PRMT8: variants seen among roughly 807,000 people sequenced by gnomAD.
PRMT8 encodes protein arginine N-methyltransferase 8.
A neutral mutation model predicts 47.1 loss-of-function variants in PRMT8; 7 were observed. That is an observed-to-expected ratio of 0.15 (90% confidence interval 0.08 to 0.28). PRMT8 has a LOEUF of 0.28. Ranked by LOEUF, PRMT8 falls within the 10% of genes least tolerant of loss-of-function variation. PRMT8 has a pLI of 1.00. For missense variants in PRMT8, 237 were observed against 505.4 expected (o/e 0.47, Z 5.09); for synonymous variants, 188 against 186.5 (o/e 1.01, Z -0.07).
rs546351525 is a variant in PRMT8, at chr12:3,566,675, C to T, written c.482-2031C>T. On this transcript the variant is annotated intron_variant, in intron 4 of 9. Transcript: ENST00000382622. This position sits in a 1 kb window ranked among gnomAD's most constrained non-coding sequence, Gnocchi z 4.7. ...AGCAAACGGTGTGCTCTTTGCCATC[C>T]AGGAGCCTCAGTCCAAATTAATTTT... Among the ~76,000 whole-genome samples, 4 of 152,198 alleles carry T rather than the reference C, an allele frequency of 2.6e-5. No individual in the cohort carries two copies. Among genetic ancestry groups the T allele is most frequent in the Non-Finnish European group, 4.4e-5 (3 of 68,040 alleles).
chr12:3,445,240 T>A (rs1864845513), intron 1 of PRMT8, among the ~76,000 whole-genome samples: 1 of 152,196 alleles, frequency 6.6e-6, no homozygotes, highest in Admixed American at 6.5e-5. Flanking sequence ...ATGCTAACCC[T>A]CCTGGTGCCC....
In PRMT8 at chr12:3,564,273, C is replaced by T. The variant is rs1197774940; in HGVS notation, c.482-4433C>T. ...GACCCTCATGCCTCCTCTTGTGTGG[C>T]ACAGGACCTGCTCTCTGAAAGAGTG... is the stretch of plus-strand genomic sequence containing the variant. On this transcript the variant is annotated intron_variant, in intron 4 of 9. Coordinates refer to ENST00000382622, the MANE Select transcript of PRMT8 (RefSeq NM_019854.5). This position sits in a 1 kb window ranked among gnomAD's most constrained non-coding sequence, Gnocchi z 4.0. Among the ~76,000 whole-genome samples the T allele has an allele frequency of 6.6e-6, 1 of 152,120 alleles. No homozygotes were observed. The highest frequency in any genetic ancestry group is 1.5e-5 in the Non-Finnish European group (1 of 68,034).
intron 1 of PRMT8, among the ~76,000 whole-genome samples, chr12:3,402,004 AAAG>A (rs1469876283): frequency 6.6e-6 from 1 of 152,234 alleles, no homozygotes; most frequent in Non-Finnish European, 1.5e-5. Flanking sequence ...TGGAACCAAA[AAAG>A]AGCCCAAATA....
intron 1 of PRMT8, among the ~76,000 whole-genome samples, chr12:3,526,565 T>C (rs11062703): frequency 0.032 from 4,821 of 152,314 alleles, 115 homozygotes; most frequent in East Asian, 0.074. Context: ...AGCCAACTTC[T>C]GGGTGTGAAG....
intron 2 of PRMT8, among the ~76,000 whole-genome samples, chr12:3,547,371 C>A (rs905836736): frequency 6.6e-6 from 1 of 152,008 alleles, no homozygotes; most frequent in Non-Finnish European, 1.5e-5. Context: ...AAAAAAAACC[C>A]TACTGGAATT....
rs113020903 is a variant in PRMT8, at chr12:3,591,217, G to A, written c.980-1014G>A. On this transcript the variant is annotated intron_variant, in intron 8 of 9. Transcript: ENST00000382622. Reference sequence around the variant, plus strand: ...ACTCAATGGCAGATATGGGGGAGGCGCAAGTACCACTATGGCTTTGGGTCA... The same window carrying A: ...ACTCAATGGCAGATATGGGGGAGGCACAAGTACCACTATGGCTTTGGGTCA... Among the ~76,000 whole-genome samples the A allele has an allele frequency of 9.1e-3, 1,381 of 152,084 alleles. 16 individuals are homozygous for A. The highest frequency in any genetic ancestry group is 0.031 in the African/African-American group (1,301 of 41,454).
At chr12:3,590,397 T>C (rs1022249408) in intron 8 of PRMT8, among the ~76,000 whole-genome samples, 2 of 152,220 alleles carry the variant, frequency 1.3e-5, no homozygotes, top group Non-Finnish European at 2.9e-5. Context: ...CAAGCCCCAG[T>C]TGGCGCTGTG....
intron 1 of PRMT8, among the ~76,000 whole-genome samples, chr12:3,400,676 T>G (rs1421078389): frequency 6.6e-6 from 1 of 152,206 alleles, no homozygotes; most frequent in Non-Finnish European, 1.5e-5. Flanking sequence ...AACATTATCC[T>G]GATACCAAAA....
chr12:3,390,984 T>A (rs1864187237), intron 1 of PRMT8, among the ~76,000 whole-genome samples: 1 of 152,176 alleles, frequency 6.6e-6, no homozygotes, highest in Admixed American at 6.5e-5. Context: ...GAGAGGCCAA[T>A]GGTATAGGCC....
intron 1 of PRMT8, among the ~76,000 whole-genome samples, chr12:3,398,072 C>A (rs572715808): frequency 7.2e-5 from 11 of 151,996 alleles, no homozygotes; most frequent in African/African-American, 2.7e-4. Context: ...GGCTCGCGCA[C>A]GGTGCGCGCA....
chr12:3,560,683 G>T (rs1341033050), intron 4 of PRMT8, among the ~76,000 whole-genome samples: 1 of 152,194 alleles, frequency 6.6e-6, no homozygotes, highest in Non-Finnish European at 1.5e-5. Flanking sequence ...GCCCCTCCTT[G>T]TCCTTCTCCT....
intron 1 of PRMT8, among the ~76,000 whole-genome samples, chr12:3,433,278 G>A (rs1279126645): frequency 1.3e-5 from 2 of 152,236 alleles, no homozygotes; most frequent in Non-Finnish European, 2.9e-5. Flanking sequence ...GCCCATTGCA[G>A]TATTGTTTGC....
intron 3 of PRMT8, chr12:3,551,781 G>A (rs1356351003): frequency 2.6e-5 from 4 of 152,358 alleles, no homozygotes; most frequent in African/African-American, 4.8e-5. Flanking sequence ...GTGGGGAGAC[G>A]AGATGGCGGG....
intron 4 of PRMT8, among the ~76,000 whole-genome samples, chr12:3,561,688 G>T (rs2191216): frequency 6.6e-6 from 1 of 152,266 alleles, no homozygotes; most frequent in African/African-American, 2.4e-5. Context: ...ATGCCATGGC[G>T]GTGGGGCCTT....
At chr12:3,463,964 G>A (rs951397762) in intron 1 of PRMT8, among the ~76,000 whole-genome samples, 2 of 152,108 alleles carry the variant, frequency 1.3e-5, no homozygotes, top group African/African-American at 2.4e-5. Flanking sequence ...CAATATTACC[G>A]GATGTTTAAT....
At chr12:3,498,607 C>A (rs1865544243) in intron 1 of PRMT8, among the ~76,000 whole-genome samples, 2 of 152,144 alleles carry the variant, frequency 1.3e-5, no homozygotes, top group Admixed American at 1.3e-4. Flanking sequence ...GGGTTCCTAG[C>A]TGGACCCAGT....
At chr12:3,399,553 C>A (rs7301134) in intron 1 of PRMT8, among the ~76,000 whole-genome samples, 37,818 of 151,946 alleles carry the variant, frequency 0.25, 4,928 homozygotes, top group African/African-American at 0.29. Context: ...ACATCATGAG[C>A]CTCTTGTGTA....
chr12:3,490,453 A>G (rs994275197), upstream of PRMT8, among the ~76,000 whole-genome samples: 7 of 151,416 alleles, frequency 4.6e-5, no homozygotes, highest in African/African-American at 1.7e-4. Context: ...CCTCTCTCCC[A>G]TAAAAGGGAC....
chr12:3,465,455 G>A (rs1343142321), intron 1 of PRMT8, among the ~76,000 whole-genome samples: 1 of 151,812 alleles, frequency 6.6e-6, no homozygotes, highest in Non-Finnish European at 1.5e-5. Context: ...TCCTTTTCTG[G>A]GAACTTTTGT....
Sources: allele counts gnomAD v4.1 joint callset (sites outside exome capture counted in the v4.1 genomes callset), GRCh38; gene constraint gnomAD v4.1.1; non-coding constraint Gnocchi (gnomAD v3.1); transcripts MANE v1.5; gene names NCBI Gene and HGNC (gene_info 2026-07-23, HGNC 2026-07-21).